SCIN: variants seen among roughly 807,000 people sequenced by gnomAD.
The protein encoded by SCIN is adseverin.
Under a neutral mutation model 91.8 loss-of-function variants are expected in SCIN, and 91 were observed. That is an observed-to-expected ratio of 0.99 (90% CI 0.84 to 1.18). The LOEUF (loss-of-function observed/expected upper bound fraction) is 1.18. Ranked by LOEUF, SCIN falls within the 50% of genes most tolerant of loss-of-function variation. The pLI, the probability that SCIN is intolerant of heterozygous loss-of-function variation, is 0.00. For synonymous variants in SCIN, 367 were observed against 312.6 expected, an observed-to-expected ratio of 1.17 and a Z score of -1.84; for missense variants, 1,087 against 863.9, an observed-to-expected ratio of 1.26 and a Z score of -3.24.
At chr7:12,588,804 T>TGGGGGGG (rs1204389002) in intron 3 of SCIN, 3 of 2,644 alleles carry the variant, frequency 1.1e-3, no homozygotes, top group Non-Finnish European at 3.2e-3. Flanking sequence ...ACAGCTGCAT[T>TGGGGGGG]GGGTGGGGGG....
chr7:12,628,223 G>C (rs1783570791), intron 8 of SCIN, among the ~76,000 whole-genome samples: 2 of 152,106 alleles, frequency 1.3e-5, no homozygotes, highest in South Asian at 4.1e-4. Context: ...TTTTCTCCCA[G>C]CATCACATTT....
chr7:12,654,617 G>A lies in SCIN; in HGVS notation c.*1902G>A, dbSNP rs181890081. On this transcript the variant is annotated 3_prime_UTR_variant, in exon 16 of 16. Transcript: ENST00000297029. The stretch of plus-strand genomic sequence containing the variant: ...TGAGAATAAAATGATTTAATAAGTA[G>A]TACTTTTTCACAAAATTAGTAAAGG... 6.6e-6 allele frequency: 1 copy of A among 152,242 alleles called. No homozygotes were observed. The highest frequency in any genetic ancestry group is 6.5e-5 in the Admixed American group (1 of 15,298). The allele number at this position is 152,242 out of a possible 1,614,324, so 9.4% of individuals were successfully genotyped here. A position where few individuals can be genotyped will look rare whatever the true frequency, so the allele number is the denominator to read the frequency against.
intron 1 of SCIN, among the ~76,000 whole-genome samples, chr7:12,576,364 T>C (rs927662143): frequency 8.5e-6 from 1 of 117,576 alleles, no homozygotes; most frequent in Admixed American, 8.3e-5. Flanking sequence ...AGTTGTTTTT[T>C]TTTGTTGTTG....
chr7:12,637,755 G>T (rs1783781052), intron 10 of SCIN, among the ~76,000 whole-genome samples: 1 of 152,126 alleles, frequency 6.6e-6, no homozygotes, highest in African/African-American at 2.4e-5. Flanking sequence ...TGTCGAGAAT[G>T]ACTGAATCCA....
chr7:12,604,410 C>A, intron 3 of SCIN, 104 bp from the exon 4 acceptor site: 2 of 977,786 alleles, frequency 2.0e-6, no homozygotes, highest in Non-Finnish European at 3.0e-6. Context: ...AACAATAGGT[C>A]ATTTAATTTT....
intron 13 of SCIN, among the ~76,000 whole-genome samples, chr7:12,647,633 CAAGTT>C (rs1344361358): frequency 1.3e-5 from 2 of 152,132 alleles, no homozygotes; most frequent in Admixed American, 6.5e-5. Context: ...GTGCTGACGT[CAAGTT>C]AAGTGCTAAA....
rs1784132043 is a variant in SCIN at position 12,654,165 on chromosome 7, T to G, written c.*1450T>G. The G allele has an allele frequency of 6.6e-6, 1 of 152,170 alleles. No individual in the cohort carries two copies. Among genetic ancestry groups the G allele is most frequent in the Admixed American group, 6.5e-5 (1 of 15,284 alleles). The allele number at this position is 152,170 out of a possible 1,614,324, so 9.4% of individuals were successfully genotyped here. A position where few individuals can be genotyped will look rare whatever the true frequency, so the allele number is the denominator to read the frequency against. On this transcript the variant is annotated 3_prime_UTR_variant, in exon 16 of 16. Coordinates refer to ENST00000297029, the MANE Select transcript of SCIN (RefSeq NM_001112706.3). ...CCAACAATTCATCCCACATGAATTT[T>G]TCTCATCCTTCATGTGGAATGAAAA...
rs1379828098 is a variant in SCIN, at chr7:12,622,891, A to G, written c.757A>G (p.Met253Val). The change falls in exon 5 of 16, where the codon ATG becomes GTG. Residue 253 changes from methionine to valine, a missense_variant and splice_region_variant. Transcript: ENST00000297029. ...TAACAGGAAAATGGCTAAACTATACATGGTGAGTTCACTGTAACCAAATTT... is the reference window on the plus strand; with the variant it reads ...TAACAGGAAAATGGCTAAACTATACGTGGTGAGTTCACTGTAACCAAATTT... Reference protein sequence around the residue: ...ISNRKMAKLYMVSDASGSMRV... With the variant: ...ISNRKMAKLYVVSDASGSMRV... 8 of 1,607,714 alleles carry G rather than the reference A, an allele frequency of 5.0e-6. No homozygotes were observed. The highest frequency in any genetic ancestry group is 1.1e-5 in the South Asian group (1 of 90,816).
At chr7:12,578,665 A>G (rs1782423274) in intron 2 of SCIN, among the ~76,000 whole-genome samples, 1 of 152,024 alleles carries the variant, frequency 6.6e-6, no homozygotes, top group Admixed American at 6.6e-5. Flanking sequence ...TATTTATAAT[A>G]ATTATAATTT....
intron 4 of SCIN, among the ~76,000 whole-genome samples, chr7:12,616,267 G>C (rs1181942291): frequency 6.6e-6 from 1 of 152,090 alleles, no homozygotes; most frequent in Non-Finnish European, 1.5e-5. Flanking sequence ...TTTGGGAAAT[G>C]GGACCTAATA....
chr7:12,633,204 T>C (rs1783681084), intron 9 of SCIN, among the ~76,000 whole-genome samples: 2 of 152,180 alleles, frequency 1.3e-5, no homozygotes, highest in Admixed American at 1.3e-4. Flanking sequence ...AAATCACTTG[T>C]ATGCTGAAAT....
chr7:12,587,453 C>A (rs1241789425), intron 3 of SCIN, among the ~76,000 whole-genome samples: 3 of 152,318 alleles, frequency 2.0e-5, no homozygotes, highest in East Asian at 3.9e-4. Context: ...AATTCTTGAG[C>A]TTTCGGCTTT....
chr7:12,625,698 T>A, intron 6 of SCIN, 64 bp from the exon 7 acceptor site: 1 of 1,112,788 alleles, frequency 9.0e-7, no homozygotes, highest in African/African-American at 1.6e-5. Context: ...ACACAAGTAT[T>A]TCTTAATCAT....
chr7:12,628,032 CGTGTGTGT>C (rs59555647), intron 8 of SCIN, among the ~76,000 whole-genome samples: 2,618 of 146,386 alleles, frequency 0.018, 26 homozygotes, highest in Middle Eastern at 0.031. Context: ...AGTGTGCGCG[CGTGTGTGT>C]GTGTGTGTGT....
intron 8 of SCIN, 94 bp downstream of exon 8, chr7:12,626,893 C>A: frequency 4.5e-6 from 5 of 1,108,940 alleles, no homozygotes; most frequent in African/African-American, 1.6e-5. Context: ...AGTTCGAGAT[C>A]AGCCTGGCCA....
intron 4 of SCIN, among the ~76,000 whole-genome samples, chr7:12,610,520 A>G (rs1285542135): frequency 6.6e-6 from 1 of 152,188 alleles, no homozygotes; most frequent in Non-Finnish European, 1.5e-5. Context: ...GCCCACTCGT[A>G]TTTGGATAAT....
At chr7:12,604,223 T>C (rs1027666763) in intron 3 of SCIN, among the ~76,000 whole-genome samples, 1 of 152,144 alleles carries the variant, frequency 6.6e-6, no homozygotes, top group Non-Finnish European at 1.5e-5. Context: ...GTGGTATATT[T>C]ATTATTTCAA....
At chr7:12,578,910 T>TA (rs940722328) in intron 2 of SCIN, among the ~76,000 whole-genome samples, 9 of 86,268 alleles carry the variant, frequency 1.0e-4, no homozygotes, top group Non-Finnish European at 2.1e-4. Context: ...ATAGGACAGG[T>TA]TTTTTTTTTT....
chr7:12,620,300 C>A (rs745565775), intron 4 of SCIN, among the ~76,000 whole-genome samples: 3 of 152,068 alleles, frequency 2.0e-5, no homozygotes, highest in Non-Finnish European at 4.4e-5. Flanking sequence ...GTCTCCAGAA[C>A]TTATTTATCT....
Sources: allele counts gnomAD v4.1 joint callset (sites outside exome capture counted in the v4.1 genomes callset), GRCh38; gene constraint gnomAD v4.1.1; transcripts MANE v1.5; gene names NCBI Gene and HGNC (gene_info 2026-07-23, HGNC 2026-07-21).